Variants in SEMA3C observed in about 807,000 individuals in gnomAD.
SEMA3C encodes semaphorin 3C.
SEMA3C carries 47 observed loss-of-function variants against 89.4 expected under a neutral mutation model. The ratio of observed to expected loss-of-function variants is 0.53; its 90% CI spans 0.42 to 0.67. SEMA3C has a LOEUF of 0.67. Among genes scored for constraint, SEMA3C ranks in the 30% least tolerant of loss-of-function variants. The probability of loss-of-function intolerance (pLI) is 0.00; values close to 1 mark genes in which losing one functional copy is unlikely to be tolerated. For synonymous variants in SEMA3C, 310 were observed against 320.2 expected, an observed-to-expected ratio of 0.97 and a Z score of 0.34; for missense variants, 839 against 929.1, an observed-to-expected ratio of 0.90 and a Z score of 1.26.
intron 2 of SEMA3C, among the ~76,000 whole-genome samples, chr7:80,898,366 A>AAAAC (rs201373386): frequency 4.7e-5 from 7 of 149,936 alleles, no homozygotes; most frequent in African/African-American, 7.6e-5. Context: ...ATTTTGTCTC[A>AAAAC]AAACAAACAA....
chr7:80,832,783 G>A lies in SEMA3C; in HGVS notation c.104-4038C>T, dbSNP rs80286283. 2.9e-3 allele frequency among the ~76,000 whole-genome samples: 436 copies of A among 152,114 alleles called. 1 individual carries two copies. The highest frequency in any genetic ancestry group is 9.5e-3 in the African/African-American group (396 of 41,496). ...AAATCATTGAGTTACTGAATTAACCGGAACTCCATTATTACTGGAATATTC... is the reference window on the plus strand; with the variant it reads ...AAATCATTGAGTTACTGAATTAACCAGAACTCCATTATTACTGGAATATTC... On this transcript the variant is annotated intron_variant, in intron 2 of 17. Coordinates refer to ENST00000265361, the MANE Select transcript of SEMA3C (RefSeq NM_006379.5).
intron 17 of SEMA3C, 141 bp from the exon 18 acceptor site, chr7:80,745,448 A>T: frequency 1.2e-6 from 1 of 805,000 alleles, no homozygotes; most frequent in Non-Finnish European, 1.9e-6. Context: ...CTCAGTGGAC[A>T]TGAAATTTTG....
At chr7:80,789,912 T>C (rs1031369149) in intron 11 of SEMA3C, among the ~76,000 whole-genome samples, 4 of 152,158 alleles carry the variant, frequency 2.6e-5, no homozygotes, top group Non-Finnish European at 5.9e-5. Context: ...ATAAATTATA[T>C]TATTATCATT....
At chr7:80,760,816 G>A (rs982533745) in intron 14 of SEMA3C, among the ~76,000 whole-genome samples, 2 of 152,156 alleles carry the variant, frequency 1.3e-5, no homozygotes, top group Non-Finnish European at 2.9e-5. Flanking sequence ...TCAGGTCAGT[G>A]AAGTTACATG....
chr7:80,873,963 C>T (rs573944955), intron 2 of SEMA3C, among the ~76,000 whole-genome samples: 4 of 152,208 alleles, frequency 2.6e-5, no homozygotes, highest in African/African-American at 7.2e-5. Context: ...CTCTTCCTCC[C>T]TCTTGCAACT....
At chr7:80,784,608 C>A (rs1389044425) in intron 12 of SEMA3C, among the ~76,000 whole-genome samples, 2 of 151,998 alleles carry the variant, frequency 1.3e-5, no homozygotes, top group Admixed American at 6.6e-5. Context: ...CAGTGACAAG[C>A]AAACTTTTTC....
At chr7:80,885,371 C>G (rs926303392) in intron 2 of SEMA3C, among the ~76,000 whole-genome samples, 1 of 152,102 alleles carries the variant, frequency 6.6e-6, no homozygotes, top group African/African-American at 2.4e-5. Flanking sequence ...AATCCTAGCA[C>G]TTTGGGAGGC....
At chr7:80,818,513 CAAT>C (rs1789665715) in intron 4 of SEMA3C, 95 bp from the exon 5 acceptor site, 1 of 1,389,218 alleles carries the variant, frequency 7.2e-7, no homozygotes, top group East Asian at 2.4e-5. Context: ...TGATAAGTAA[CAAT>C]GAGGTGACAT....
intron 2 of SEMA3C, among the ~76,000 whole-genome samples, chr7:80,876,181 C>T (rs181661362): frequency 8.5e-5 from 13 of 152,234 alleles, no homozygotes; most frequent in African/African-American, 2.6e-4. Flanking sequence ...ATTAATAATT[C>T]CTCTAATCTA....
At chr7:80,823,582 T>C (rs1030346025) in intron 4 of SEMA3C, among the ~76,000 whole-genome samples, 2 of 152,120 alleles carry the variant, frequency 1.3e-5, no homozygotes, top group African/African-American at 4.8e-5. Context: ...CTATACCTCC[T>C]TGATCTAGGG....
chr7:80,805,567 G>A, intron 7 of SEMA3C, 72 bp downstream of exon 7: 1 of 1,315,010 alleles, frequency 7.6e-7, no homozygotes, highest in Non-Finnish European at 1.0e-6. Flanking sequence ...ATTTTCCCTA[G>A]TTGTTAGGAT....
At chr7:80,787,367 G>A (rs1463161974) in intron 12 of SEMA3C, among the ~76,000 whole-genome samples, 1 of 147,180 alleles carries the variant, frequency 6.8e-6, no homozygotes, top group East Asian at 2.0e-4. Flanking sequence ...ACTCCAGCCT[G>A]GGTGATAGAG....
intron 4 of SEMA3C, 35 bp downstream of exon 4, chr7:80,827,389 AG>A: frequency 9.0e-7 from 1 of 1,111,640 alleles, no homozygotes. Flanking sequence ...TATTTAAGTT[AG>A]TGTTTTTTTT....
chr7:80,874,865 G>A (rs1228268944), intron 2 of SEMA3C, among the ~76,000 whole-genome samples: 3 of 152,056 alleles, frequency 2.0e-5, no homozygotes, highest in African/African-American at 7.2e-5. Flanking sequence ...TGGAGCACGT[G>A]AGGTCAGGAG....
intron 12 of SEMA3C, among the ~76,000 whole-genome samples, chr7:80,777,816 A>G (rs138702067): frequency 0.023 from 3,534 of 152,296 alleles, 109 homozygotes; most frequent in African/African-American, 0.066. Context: ...TGAAAGAGAC[A>G]TCTTAAGGCC....
chr7:80,853,940 T>C lies in SEMA3C; in HGVS notation c.104-25195A>G, dbSNP rs556019388. 7.3e-5 allele frequency among the ~76,000 whole-genome samples: 11 copies of C among 151,488 alleles called. No homozygotes were observed. The East Asian group carries it at 2.0e-3, about 27-fold the overall frequency. On this transcript the variant is annotated intron_variant, in intron 2 of 17. Transcript: ENST00000265361. ...TGTATACACACCTGCTATGTACCCA[T>C]GAATATTAAAAATAAAAAAAATGTA...
chr7:80,814,770 C>A (rs1429298112), intron 5 of SEMA3C, among the ~76,000 whole-genome samples: 1 of 152,098 alleles, frequency 6.6e-6, no homozygotes, highest in Non-Finnish European at 1.5e-5. Context: ...GCATTTATAT[C>A]ATTTCCTTTT....
intron 2 of SEMA3C, among the ~76,000 whole-genome samples, chr7:80,837,806 T>C (rs1175759373): frequency 6.6e-6 from 1 of 152,182 alleles, no homozygotes; most frequent in Non-Finnish European, 1.5e-5. Context: ...AATTTGCTCC[T>C]TTCCCTCCTT....
At chr7:80,865,829 T>C (rs1044670377) in intron 2 of SEMA3C, among the ~76,000 whole-genome samples, 3 of 152,160 alleles carry the variant, frequency 2.0e-5, no homozygotes, top group African/African-American at 7.2e-5. Flanking sequence ...GCATATCAAA[T>C]ACCAACATTC....
Sources: allele counts gnomAD v4.1 joint callset (sites outside exome capture counted in the v4.1 genomes callset), GRCh38; gene constraint gnomAD v4.1.1; transcripts MANE v1.5; gene names NCBI Gene and HGNC (gene_info 2026-07-23, HGNC 2026-07-21).